The following ZNF75D variants were observed in gnomAD, a reference collection of about 807,000 sequenced individuals.
ZNF75D encodes the protein zinc finger protein 75D, also known as zinc finger protein 75.
ZNF75D carries 33 observed loss-of-function variants against 33.3 expected under a neutral mutation model. The ratio of observed to expected loss-of-function variants is 0.99; its 90% CI spans 0.75 to 1.32. ZNF75D has a LOEUF of 1.32. Ranked by LOEUF, ZNF75D falls within the 40% of genes most tolerant of loss-of-function variation. The probability of loss-of-function intolerance (pLI) is 0.00; values close to 1 mark genes in which losing one functional copy is unlikely to be tolerated. For missense variants in ZNF75D, 338 were observed against 367.5 expected (o/e 0.92, Z 0.66); for synonymous variants, 113 against 130.6 (o/e 0.87, Z 0.92).
At chrX:135,308,095 C>A (rs2084311039) in intron 1 of ZNF75D, among the ~76,000 whole-genome samples, 1 of 112,425 alleles carries the variant, frequency 8.9e-6, no homozygotes, top group Admixed American at 9.4e-5. Flanking sequence ...ACTTCCTCTC[C>A]CAGCAACTTC....
chrX:135,340,415 G>A (rs1031052110), intron 1 of ZNF75D, among the ~76,000 whole-genome samples: 6 of 112,234 alleles, frequency 5.3e-5, no homozygotes, highest in Non-Finnish European at 1.9e-5. Context: ...TAATCTCTGA[G>A]CACAAGACCC....
chrX:135,267,475 T>C (rs2083867138), intron 1 of ZNF75D, among the ~76,000 whole-genome samples: 1 of 111,309 alleles, frequency 9.0e-6, no homozygotes, highest in Non-Finnish European at 1.9e-5. Context: ...CATTAATGGC[T>C]ACTATGAACA....
In ZNF75D at chrX:135,267,521, T is replaced by G. The variant is rs192297610; in HGVS notation, n.828-11744A>C. ...AATACATTGAAAAATCTAGAAGAAATGAATAAACTGCTAGACATATCCAAC... is the reference window on the plus strand; with the variant it reads ...AATACATTGAAAAATCTAGAAGAAAGGAATAAACTGCTAGACATATCCAAC... On this transcript the variant is annotated intron_variant and non_coding_transcript_variant, in intron 1 of 3. Transcript: ENST00000494295. Among the ~76,000 whole-genome samples, 630 of 110,504 alleles carry G rather than the reference T, an allele frequency of 5.7e-3. 3 individuals carry two copies. The highest frequency in any genetic ancestry group is 0.019 in the African/African-American group (593 of 30,495).
rs369581520 is a variant in ZNF75D at position 135,291,136 on chromosome X, C to G, written c.697-1G>C. On this transcript the variant is annotated splice_acceptor_variant, in intron 5 of 6. Coordinates refer to ENST00000370766, the MANE Select transcript of ZNF75D (RefSeq NM_007131.5). LOFTEE classifies it high-confidence loss of function. ...CCACATCTTCAAATGTCAACAAACT[C>G]TAAAGAAGAGAATGGGCTATAGTTT... The G allele has an allele frequency of 8.3e-7, 1 of 1,209,924 alleles. No homozygotes were observed. Among genetic ancestry groups the G allele is most frequent in the Non-Finnish European group, 1.1e-6 (1 of 895,019 alleles).
intron 1 of ZNF75D, chrX:135,309,699 T>C (rs1432178889): frequency 1.4e-5 from 4 of 294,882 alleles, no homozygotes; most frequent in African/African-American, 5.5e-5. Flanking sequence ...CAAAAAGTCA[T>C]GTGGCTTATG....
intron 4 of ZNF75D, 150 bp from the exon 5 acceptor site, chrX:135,291,713 T>C (rs1234411484): frequency 1.3e-6 from 1 of 792,697 alleles, no homozygotes; most frequent in African/African-American, 2.1e-5. Flanking sequence ...GGCCATCTCA[T>C]TGTAAATAAG....
At chrX:135,256,969 G>A (rs1431298980) in intron 1 of ZNF75D, among the ~76,000 whole-genome samples, 2 of 111,434 alleles carry the variant, frequency 1.8e-5, no homozygotes, top group Non-Finnish European at 3.8e-5. Context: ...AAAGGACCCA[G>A]TCCTGGCAGG....
chrX:135,298,391 T>A lies in ZNF75D; in HGVS notation c.-390-2352A>T, dbSNP rs1556423685. ...GAGGTTGGACAACCTCACTGATTTT[T>A]TTTTATTTTACAACTGAATTTTAAA... On this transcript the variant is annotated intron_variant, in intron 1 of 6. Transcript: ENST00000370766. 3 of 111,367 alleles carry A rather than the reference T, an allele frequency of 2.7e-5. No individual in the cohort carries two copies. In the East Asian group the frequency reaches 8.5e-4, roughly 32 times the overall value. The allele number at this position is 111,367 out of a possible 1,213,427, so 9.2% of individuals were successfully genotyped here.
chrX:135,326,949 G>A (rs1171696426), intron 1 of ZNF75D, among the ~76,000 whole-genome samples: 1 of 112,801 alleles, frequency 8.9e-6, no homozygotes, highest in African/African-American at 3.2e-5. Flanking sequence ...CTTGAAGTCA[G>A]TGAGACCAAG....
chrX:135,326,596 G>A (rs782046681), intron 1 of ZNF75D, among the ~76,000 whole-genome samples: 5 of 111,982 alleles, frequency 4.5e-5, no homozygotes, highest in East Asian at 2.8e-4. Context: ...TCCACACTGC[G>A]GAAGCTTTGT....
intron 1 of ZNF75D, among the ~76,000 whole-genome samples, chrX:135,260,327 T>C (rs1314871890): frequency 8.9e-6 from 1 of 112,274 alleles, no homozygotes; most frequent in African/African-American, 3.2e-5. Flanking sequence ...TTAGGGAGGA[T>C]TTCCTCTTTT....
intron 1 of ZNF75D, among the ~76,000 whole-genome samples, chrX:135,269,317 C>T (rs2083873981): frequency 8.9e-6 from 1 of 111,806 alleles, no homozygotes; most frequent in Non-Finnish European, 1.9e-5. Flanking sequence ...AGAGACAACT[C>T]ACAGAGTAGG....
intron 1 of ZNF75D, among the ~76,000 whole-genome samples, chrX:135,258,443 C>T (rs1247347737): frequency 5.4e-5 from 6 of 111,174 alleles, no homozygotes. Context: ...TCTCCACATC[C>T]TCTACAGCAT....
intron 1 of ZNF75D, among the ~76,000 whole-genome samples, chrX:135,328,679 C>T (rs2084612901): frequency 8.9e-6 from 1 of 112,147 alleles, no homozygotes; most frequent in Non-Finnish European, 1.9e-5. Context: ...GCCTAAGGGA[C>T]TAGACAATAG....
intron 3 of ZNF75D, 94 bp downstream of exon 3, chrX:135,293,636 G>A (rs782727398): frequency 6.8e-6 from 6 of 879,037 alleles, no homozygotes; most frequent in Non-Finnish European, 9.4e-6. Flanking sequence ...ACAGAAGAGC[G>A]ACTTAATCTG....
rs1428988351 is a variant in ZNF75D, at chrX:135,316,755, ATCTAG to A, written c.-390-20721_-390-20717del. Among the ~76,000 whole-genome samples, 5 of 106,223 alleles carry A rather than the reference ATCTAG, an allele frequency of 4.7e-5. No homozygotes were observed. In the Admixed American group the frequency reaches 5.1e-4, roughly 11 times the overall value. The allele number at this position is 106,223 out of a possible 115,157, so 92.2% of individuals were successfully genotyped here. ...GATCTTAGATTCTTTCTTCTGCTTG[ATCTAG>A]TCTATTGTTGGAGTTTTTCAAGTGC... On this transcript the variant is annotated intron_variant, in intron 1 of 6. Transcript: ENST00000370766.
At chrX:135,323,218 T>TG (rs2084519185) in intron 1 of ZNF75D, among the ~76,000 whole-genome samples, 1 of 112,123 alleles carries the variant, frequency 8.9e-6, no homozygotes, top group East Asian at 2.8e-4. Context: ...CCAGATAGTC[T>TG]CAAGTTATTA....
At chrX:135,309,677 C>T in intron 1 of ZNF75D, 1 of 297,069 alleles carries the variant, frequency 3.4e-6, no homozygotes, top group South Asian at 2.0e-4. Context: ...CCAGGGTGAA[C>T]ATGGCCTTGG....
intron 1 of ZNF75D, among the ~76,000 whole-genome samples, chrX:135,272,852 G>A (rs1201211409): frequency 9.0e-6 from 1 of 111,727 alleles, no homozygotes; most frequent in Admixed American, 9.5e-5. Flanking sequence ...CTTCATTTAT[G>A]TAGGGTGTAT....
Sources: gnomAD v4.1 joint callset for allele counts (sites outside exome capture counted in the v4.1 genomes callset) on GRCh38, gnomAD v4.1.1 for gene constraint, MANE v1.5 for transcripts, NCBI Gene and HGNC (gene_info 2026-07-23, HGNC 2026-07-21) for gene names.